NME9: variants seen among roughly 807,000 people sequenced by gnomAD.
NME9 encodes thioredoxin domain-containing protein 6.
Under a neutral mutation model 44.4 loss-of-function variants are expected in NME9, and 48 were observed. That is an observed-to-expected ratio of 1.08 (90% CI 0.86 to 1.37). NME9 has a LOEUF of 1.37. Among genes scored for constraint, NME9 ranks in the 40% most tolerant of loss-of-function variants. NME9 has a pLI of 0.00. For missense variants in NME9, 325 were observed against 405.2 expected (o/e 0.80, Z 1.70); for synonymous variants, 139 against 147.1 (o/e 0.94, Z 0.40).
In NME9 at chr3:138,262,534, C is replaced by T. The variant is rs2047846276; in HGVS notation, c.*6G>A. On this transcript the variant is annotated 3_prime_UTR_variant, in exon 9 of 9. Coordinates refer to the NME9 transcript ENST00000317876. ...TTCTAAGGTCAGACTTCTGAATCCT[C>T]TCATTTTAGTCTAGGTCAGTGATCT... 3 of 1,612,508 alleles carry T rather than the reference C, an allele frequency of 1.9e-6. No homozygotes were observed. The East Asian group carries it at 6.7e-5, about 36-fold the overall frequency.
chr3:138,263,640 CG>C, intron 8 of NME9: 1 of 1,095,416 alleles, frequency 9.1e-7, no homozygotes, highest in Non-Finnish European at 1.4e-6. Context: ...CCAAAAACAA[CG>C]TTAAACTTTT....
rs1402296758 is a variant in NME9, at chr3:138,301,210, T to G, written c.*430A>C. 1 of 679,888 alleles carries G rather than the reference T, an allele frequency of 1.5e-6. No individual in the cohort carries two copies. Among genetic ancestry groups the G allele is most frequent in the African/African-American group, 2.0e-5 (1 of 51,148 alleles). The allele number at this position is 679,888 out of a possible 1,614,324, so 42.1% of individuals were successfully genotyped here. On this transcript the variant is annotated 3_prime_UTR_variant, in exon 11 of 11. Transcript: ENST00000333911. ...TATTCTCTTTCTTTACTTTTTTTTT[T>G]ATTATTATTATTAAGATGGAGTCTC...
chr3:138,271,150 A>G (rs931814444), intron 8 of NME9, among the ~76,000 whole-genome samples: 7 of 152,186 alleles, frequency 4.6e-5, no homozygotes, highest in African/African-American at 7.2e-5. Context: ...AGAAATAATT[A>G]TCTTCTAAGA....
intron 8 of NME9, among the ~76,000 whole-genome samples, chr3:138,282,726 A>G (rs1254395502): frequency 1.3e-5 from 2 of 152,028 alleles, no homozygotes; most frequent in Non-Finnish European, 2.9e-5. Flanking sequence ...GAAAGCAACG[A>G]TAATTCACTT....
chr3:138,288,501 T>A (rs1164477522), intron 8 of NME9, among the ~76,000 whole-genome samples: 1 of 152,232 alleles, frequency 6.6e-6, no homozygotes, highest in Admixed American at 6.5e-5. Flanking sequence ...TTTGCATGTC[T>A]TTTGGCAAGG....
chr3:138,321,149 G>A (rs2053439403), intron 2 of NME9, among the ~76,000 whole-genome samples: 1 of 152,210 alleles, frequency 6.6e-6, no homozygotes, highest in African/African-American at 2.4e-5. Context: ...AGTTCAAAGA[G>A]GTGAAGTCAT....
intron 8 of NME9, among the ~76,000 whole-genome samples, chr3:138,291,279 A>G (rs1188096050): frequency 6.6e-6 from 1 of 152,178 alleles, no homozygotes; most frequent in African/African-American, 2.4e-5. Flanking sequence ...TTCAGCCCTT[A>G]ATGGTCTGGC....
intron 8 of NME9, among the ~76,000 whole-genome samples, chr3:138,285,444 A>G (rs1194042426): frequency 3.3e-5 from 5 of 152,182 alleles, no homozygotes; most frequent in Non-Finnish European, 5.9e-5. Context: ...TTTGTTCACT[A>G]CACTGGCCAC....
At chr3:138,316,951 C>G (rs757660366) in intron 4 of NME9, among the ~76,000 whole-genome samples, 2 of 152,200 alleles carry the variant, frequency 1.3e-5, no homozygotes, top group Non-Finnish European at 2.9e-5. Context: ...AGAAATGGAT[C>G]TGGAGAGGGA....
intron 8 of NME9, among the ~76,000 whole-genome samples, chr3:138,274,975 T>C (rs1374164194): frequency 1.3e-5 from 2 of 152,208 alleles, no homozygotes; most frequent in African/African-American, 2.4e-5. Context: ...TCATTTCTTT[T>C]CTCTTAGGCA....
At chr3:138,288,835 A>C (rs192881753) in intron 8 of NME9, among the ~76,000 whole-genome samples, 2 of 152,030 alleles carry the variant, frequency 1.3e-5, no homozygotes, top group East Asian at 3.9e-4. Context: ...ACAGGGTTTC[A>C]CTGTGTTAAT....
chr3:138,319,106 G>A (rs1174430360), intron 3 of NME9, among the ~76,000 whole-genome samples: 1 of 152,134 alleles, frequency 6.6e-6, no homozygotes, highest in African/African-American at 2.4e-5. Flanking sequence ...CAGCTGAGGT[G>A]GTAGGATCAC....
chr3:138,293,592 G>A (rs1301419636), intron 8 of NME9, among the ~76,000 whole-genome samples: 1 of 152,032 alleles, frequency 6.6e-6, no homozygotes, highest in African/African-American at 2.4e-5. Context: ...AAGGCTGCTG[G>A]TCAGATGAGT....
intron 8 of NME9, among the ~76,000 whole-genome samples, chr3:138,277,371 A>G (rs1027760309): frequency 2.0e-5 from 3 of 152,244 alleles, no homozygotes; most frequent in Non-Finnish European, 2.9e-5. Context: ...TATGAAATTT[A>G]AAACATTCAG....
chr3:138,285,534 TC>T (rs2050326409), intron 8 of NME9, among the ~76,000 whole-genome samples: 1 of 152,228 alleles, frequency 6.6e-6, no homozygotes, highest in African/African-American at 2.4e-5. Flanking sequence ...GGAACACTTT[TC>T]TTCTCTCTGT....
At chr3:138,327,086 G>A (rs998269987) in intron 1 of NME9, 3 of 150,330 alleles carry the variant, frequency 2.0e-5, no homozygotes, top group Non-Finnish European at 4.4e-5. Context: ...AACGTGAGAG[G>A]TGGAGGTTGC....
chr3:138,328,174 G>A (rs1390816150), intron 1 of NME9, among the ~76,000 whole-genome samples: 1 of 152,152 alleles, frequency 6.6e-6, no homozygotes, highest in Non-Finnish European at 1.5e-5. Flanking sequence ...GAATATCAAG[G>A]CTGGAAGAAG....
intron 1 of NME9, among the ~76,000 whole-genome samples, chr3:138,325,176 T>G (rs1318786019): frequency 6.6e-6 from 1 of 152,216 alleles, no homozygotes; most frequent in Non-Finnish European, 1.5e-5. Flanking sequence ...ATGTTATTTG[T>G]CCAGGAACAA....
chr3:138,295,847 T>C, intron 8 of NME9: 1 of 1,613,526 alleles, frequency 6.2e-7, no homozygotes, highest in Non-Finnish European at 8.5e-7. Context: ...AACAGGAATT[T>C]TGTGATTTCA....
Sources: gnomAD v4.1 joint callset for allele counts (sites outside exome capture counted in the v4.1 genomes callset) on GRCh38, gnomAD v4.1.1 for gene constraint, MANE v1.5 for transcripts, NCBI Gene and HGNC (gene_info 2026-07-23, HGNC 2026-07-21) for gene names.